The following SLC36A4 variants were observed in gnomAD, a reference collection of about 807,000 sequenced individuals.
SLC36A4 encodes neutral amino acid uniporter 4.
A neutral mutation model predicts 50.5 loss-of-function variants in SLC36A4; 49 were observed. That is an observed-to-expected ratio of 0.97 (90% CI 0.77 to 1.23). The LOEUF (loss-of-function observed/expected upper bound fraction) is 1.23. Among genes scored for constraint, SLC36A4 ranks in the 50% most tolerant of loss-of-function variants. The probability of loss-of-function intolerance (pLI) is 0.00; values close to 1 mark genes in which losing one functional copy is unlikely to be tolerated. For missense variants in SLC36A4, 611 were observed against 608.4 expected, an observed-to-expected ratio of 1.00 and a Z score of -0.05; for synonymous variants, 207 against 206.5, an observed-to-expected ratio of 1.00 and a Z score of -0.02.
chr11:93,174,943 G>A (rs1169586833), intron 6 of SLC36A4, among the ~76,000 whole-genome samples: 32 of 150,310 alleles, frequency 2.1e-4, no homozygotes, highest in Admixed American at 3.3e-4. Flanking sequence ...CTTTGGTATC[G>A]GAATGATGCT....
intron 1 of SLC36A4, among the ~76,000 whole-genome samples, chr11:93,189,794 G>C (rs1474990090): frequency 6.6e-6 from 1 of 152,090 alleles, no homozygotes; most frequent in Non-Finnish European, 1.5e-5. Context: ...ACGGAAAATG[G>C]TAAGTTTTTT....
intron 7 of SLC36A4, chr11:93,166,291 G>A (rs1860859228): frequency 1.7e-6 from 2 of 1,146,652 alleles, no homozygotes; most frequent in South Asian, 2.7e-5. Context: ...GTCCCAGGCT[G>A]TGAACACTAG....
At chr11:93,172,360 G>A (rs1861189713) in intron 6 of SLC36A4, among the ~76,000 whole-genome samples, 1 of 151,752 alleles carries the variant, frequency 6.6e-6, no homozygotes, top group African/African-American at 2.4e-5. Flanking sequence ...CAATGAAGCA[G>A]TATACACTGC....
chr11:93,194,568 A>G (rs1241520538), intron 1 of SLC36A4, among the ~76,000 whole-genome samples: 1 of 152,180 alleles, frequency 6.6e-6, no homozygotes, highest in Non-Finnish European at 1.5e-5. Context: ...ATAAATACCC[A>G]TTTTTGGAAA....
Position 93,144,534 on chromosome 11 carries a change from T to C in SLC36A4, c.*4003A>G, listed in dbSNP as rs537109606. The C allele has an allele frequency of 4.6e-5, 7 of 152,202 alleles. No individual in the cohort carries two copies. Among genetic ancestry groups the C allele is most frequent in the African/African-American group, 1.7e-4 (7 of 41,570 alleles). The allele number at this position is 152,202 out of a possible 1,614,324, so 9.4% of individuals were successfully genotyped here. A position where few individuals can be genotyped will look rare whatever the true frequency, so the allele number is the denominator to read the frequency against. On this transcript the variant is annotated 3_prime_UTR_variant, in exon 11 of 11. Coordinates refer to ENST00000326402, the MANE Select transcript of SLC36A4 (RefSeq NM_152313.4). ...GCATATACTTGTGCACGCATGCATGTAGGAACTAGCTAATTTTAATATGAA... is the reference window on the plus strand; with the variant it reads ...GCATATACTTGTGCACGCATGCATGCAGGAACTAGCTAATTTTAATATGAA...
chr11:93,160,808 T>C (rs1204127459), intron 9 of SLC36A4: 2 of 907,082 alleles, frequency 2.2e-6, no homozygotes, highest in South Asian at 5.1e-5. Flanking sequence ...ATTTCTGAAA[T>C]GATTATTTTT....
At chr11:93,172,393 C>T (rs1861193272) in intron 6 of SLC36A4, among the ~76,000 whole-genome samples, 1 of 150,768 alleles carries the variant, frequency 6.6e-6, no homozygotes, top group African/African-American at 2.4e-5. Context: ...GTCTTTTATC[C>T]CTTGTCCCCT....
chr11:93,153,629 TTAA>T (rs1860208821), intron 10 of SLC36A4, among the ~76,000 whole-genome samples: 4 of 152,186 alleles, frequency 2.6e-5, no homozygotes, highest in Admixed American at 2.6e-4. Context: ...ATGAAGAGTC[TTAA>T]TAAAAGATTA....
In SLC36A4 at chr11:93,166,010, G is replaced by T. The variant is rs1224231733; in HGVS notation, c.775C>A (p.Pro259Thr). ...ACTATTGGAAGGTTGTGGGGATCTG[G>T]CATGTTCTAAAGAAAGGAAGAAAAA... is the stretch of plus-strand genomic sequence containing the variant. Reference protein sequence around the residue: ...IIYQYVVRNMPDPHNLPIVAG... With the variant: ...IIYQYVVRNMTDPHNLPIVAG... Residue 259 changes from proline (P) to threonine (T), a missense_variant, in exon 8 of 11, where the codon CCA becomes ACA. Pro to Thr is a conservative substitution (Grantham distance 38). Transcript: ENST00000326402. 6.2e-7 allele frequency: 1 copy of T among 1,603,346 alleles called. No homozygotes were observed. The highest frequency in any genetic ancestry group is 8.5e-7 in the Non-Finnish European group (1 of 1,174,452).
Position 93,168,148 on chromosome 11 carries a change from A to C in SLC36A4, c.564T>G (p.Ser188Arg). The C allele has an allele frequency of 6.2e-7, 1 of 1,610,190 alleles. No homozygotes were observed. The highest frequency in any genetic ancestry group is 8.5e-7 in the Non-Finnish European group (1 of 1,178,080). ...VKQVHEGFLE[S>R]KVFISNSTNS... ...TGGTACTATTTGAAATAAACACTTTACTCTCCAGGAATCCTTCATGAACCT... is the reference window on the plus strand; with the variant it reads ...TGGTACTATTTGAAATAAACACTTTCCTCTCCAGGAATCCTTCATGAACCT... The change falls in exon 7 of 11, where the codon AGT becomes AGG. Residue 188 changes from serine to arginine, a missense_variant. Coordinates refer to ENST00000326402, the MANE Select transcript of SLC36A4 (RefSeq NM_152313.4).
At position 93,148,067 on chromosome 11, in the gene SLC36A4, AT is replaced by A. The variant is rs149081554; in HGVS notation, c.*469del. ...TTTGGCTAATAAAAACATAACTGAG[AT>A]TTTTTTTTTTTACACTGTACATAAA... On this transcript the variant is annotated 3_prime_UTR_variant, in exon 11 of 11. Coordinates refer to ENST00000326402, the MANE Select transcript of SLC36A4 (RefSeq NM_152313.4). 114 of 146,782 alleles carry A rather than the reference AT, an allele frequency of 7.8e-4. No homozygotes were observed. The highest frequency in any genetic ancestry group is 1.2e-3 in the East Asian group (6 of 5,058). The allele number at this position is 146,782 out of a possible 1,614,324, so 9.1% of individuals were successfully genotyped here.
At chr11:93,161,209 T>G (rs1282555689) in intron 9 of SLC36A4, among the ~76,000 whole-genome samples, 2 of 152,170 alleles carry the variant, frequency 1.3e-5, no homozygotes, top group Non-Finnish European at 2.9e-5. Context: ...TTTGAAAAGA[T>G]GAACTTACTA....
rs201713395 is a variant in SLC36A4, at chr11:93,162,794, A to T, written c.949T>A (p.Leu317Met). The T allele has an allele frequency of 9.9e-6, 16 of 1,613,156 alleles. No homozygotes were observed. Among genetic ancestry groups the T allele is most frequent in the African/African-American group, 1.3e-5 (1 of 75,036 alleles). ...LNIGMGIVTT[L>M]YVTLATLGYM... Reference sequence around the variant, plus strand: ...CCTAAAGTAGCTAATGTTACATACAAAGTTGTAACAATCCCCATGCCAATA... The same window carrying T: ...CCTAAAGTAGCTAATGTTACATACATAGTTGTAACAATCCCCATGCCAATA... Residue 317 changes from leucine (L) to methionine (M), a missense_variant, in exon 9 of 11, where the codon TTG becomes ATG. Transcript: ENST00000326402.
At chr11:93,189,100 T>C (rs1411686782) in intron 1 of SLC36A4, among the ~76,000 whole-genome samples, 2 of 151,956 alleles carry the variant, frequency 1.3e-5, no homozygotes, top group African/African-American at 2.4e-5. Flanking sequence ...TTTGCTCTTG[T>C]TGACCAGGCT....
At chr11:93,174,512 C>T (rs1861353970) in intron 6 of SLC36A4, among the ~76,000 whole-genome samples, 1 of 149,130 alleles carries the variant, frequency 6.7e-6, no homozygotes, top group Non-Finnish European at 1.5e-5. Context: ...GAGAGGACAT[C>T]CCTGTCTTGT....
At chr11:93,187,818 T>A (rs772288182) in intron 1 of SLC36A4, among the ~76,000 whole-genome samples, 53 of 152,252 alleles carry the variant, frequency 3.5e-4, no homozygotes, top group Non-Finnish European at 6.0e-4. Flanking sequence ...GTTCTTTCCC[T>A]CCCTTGCCAT....
intron 6 of SLC36A4, among the ~76,000 whole-genome samples, chr11:93,177,110 C>G (rs1015358798): frequency 1.3e-5 from 2 of 152,206 alleles, no homozygotes; most frequent in African/African-American, 4.8e-5. Flanking sequence ...TAGATTTGGT[C>G]TTTTCACATA....
At chr11:93,172,121 A>C (rs958033329) in intron 6 of SLC36A4, among the ~76,000 whole-genome samples, 6 of 152,146 alleles carry the variant, frequency 3.9e-5, no homozygotes, top group Non-Finnish European at 8.8e-5. Flanking sequence ...AGTTAGAAGA[A>C]ATAGTTTAAA....
chr11:93,151,610 C>T (rs1860089826), intron 10 of SLC36A4, among the ~76,000 whole-genome samples: 1 of 152,002 alleles, frequency 6.6e-6, no homozygotes, highest in Non-Finnish European at 1.5e-5. Flanking sequence ...GCAGAGGCAA[C>T]TAACTTAAAT....
Sources: allele counts gnomAD v4.1 joint callset (sites outside exome capture counted in the v4.1 genomes callset), GRCh38; gene constraint gnomAD v4.1.1; transcripts MANE v1.5; gene names NCBI Gene and HGNC (gene_info 2026-07-23, HGNC 2026-07-21).